Variants in PTPRD observed in about 807,000 individuals in gnomAD.
PTPRD encodes protein tyrosine phosphatase receptor type D.
A neutral mutation model predicts 214.5 loss-of-function variants in PTPRD; 34 were observed. The ratio of observed to expected loss-of-function variants is 0.16; its 90% CI spans 0.12 to 0.21. The LOEUF is 0.21. Among genes scored for constraint, PTPRD ranks in the 10% least tolerant of loss-of-function variants. PTPRD has a pLI of 1.00. For missense variants in PTPRD, 2,545 were observed against 2,398.7 expected, an observed-to-expected ratio of 1.06 and a Z score of -1.27; for synonymous variants, 1,128 against 845.7, an observed-to-expected ratio of 1.33 and a Z score of -5.79.
At chr9:9,659,298 G>A (rs1160018547) in intron 7 of PTPRD, among the ~76,000 whole-genome samples, 2 of 152,052 alleles carry the variant, frequency 1.3e-5, no homozygotes, top group Non-Finnish European at 2.9e-5. Flanking sequence ...ACAGGCAGTT[G>A]TTTTATATGG....
At chr9:9,363,805 T>A (rs564712300) in intron 9 of PTPRD, among the ~76,000 whole-genome samples, 1 of 151,400 alleles carries the variant, frequency 6.6e-6, no homozygotes. Flanking sequence ...ATCAAATACA[T>A]TTGACAACTG....
At chr9:10,266,417 G>A (rs1364675091) in intron 3 of PTPRD, among the ~76,000 whole-genome samples, 1 of 152,160 alleles carries the variant, frequency 6.6e-6, no homozygotes, top group Non-Finnish European at 1.5e-5. Context: ...ATAAGAGAAT[G>A]GATGAGGCTA....
intron 11 of PTPRD, among the ~76,000 whole-genome samples, chr9:8,999,523 A>G (rs2099409646): frequency 6.6e-6 from 1 of 152,112 alleles, no homozygotes; most frequent in South Asian, 2.1e-4. Context: ...TAGACTGTGA[A>G]CAGAACTTTT....
chr9:9,358,187 C>T (rs984506868), intron 9 of PTPRD, among the ~76,000 whole-genome samples: 4 of 151,216 alleles, frequency 2.6e-5, no homozygotes, highest in Admixed American at 6.6e-5. Flanking sequence ...GTACTTGTAA[C>T]ATTTGGAAAA....
Position 9,661,116 on chromosome 9 carries a change from G to C in PTPRD, c.-287+73417C>G, listed in dbSNP as rs139051461. 4.1e-3 allele frequency among the ~76,000 whole-genome samples: 619 copies of C among 151,754 alleles called. 6 individuals are homozygous for C. Among genetic ancestry groups the C allele is most frequent in the African/African-American group, 0.014 (564 of 41,442 alleles). On this transcript the variant is annotated intron_variant, in intron 7 of 45. Coordinates refer to ENST00000381196, the MANE Select transcript of PTPRD (RefSeq NM_002839.4). ...TTCTATTAATTTTTCTCTATGTGGGGGTCTAAATTAAATATGAAACCTGTG... is the reference window on the plus strand; with the variant it reads ...TTCTATTAATTTTTCTCTATGTGGGCGTCTAAATTAAATATGAAACCTGTG...
chr9:9,598,783 A>G (rs1415234903), intron 7 of PTPRD, among the ~76,000 whole-genome samples: 1 of 151,966 alleles, frequency 6.6e-6, no homozygotes, highest in Non-Finnish European at 1.5e-5. Flanking sequence ...TCTCTATCAC[A>G]GTGGCTTATA....
At chr9:9,468,118 G>A (rs2094342967) in intron 8 of PTPRD, among the ~76,000 whole-genome samples, 1 of 152,138 alleles carries the variant, frequency 6.6e-6, no homozygotes, top group South Asian at 2.1e-4. Flanking sequence ...CCTACTGTTA[G>A]TTTCCTCTTT....
Position 8,331,366 on chromosome 9 carries a change from GGGGGATAAACATTTTTTT to G in PTPRD, c.5534+198_5534+215del, listed in dbSNP as rs548595694. 1.9e-3 allele frequency among the ~76,000 whole-genome samples: 291 copies of G among 151,834 alleles called. 2 individuals are homozygous for G. Among genetic ancestry groups the G allele is most frequent in the Non-Finnish European group, 3.0e-3 (204 of 67,814 alleles). ...TTGTCTAATAGGAAGCAAATTTTTT[GGGGGATAAACATTTTTTT>G]GGGGCTAAACATTTTCCTCTGATTA... On this transcript the variant is annotated intron_variant, in intron 44 of 45. Transcript: ENST00000381196.
chr9:9,050,713 G>C (rs2099683407), intron 10 of PTPRD, among the ~76,000 whole-genome samples: 1 of 151,566 alleles, frequency 6.6e-6, no homozygotes, highest in African/African-American at 2.4e-5. Flanking sequence ...TAGCTGTCTA[G>C]GTTATTACGT....
chr9:9,291,825 TATCTC>T (rs1184884962), intron 9 of PTPRD, among the ~76,000 whole-genome samples: 1 of 150,700 alleles, frequency 6.6e-6, no homozygotes, highest in African/African-American at 2.4e-5. Flanking sequence ...GGAAAAATCT[TATCTC>T]AGAGGATATA....
intron 3 of PTPRD, among the ~76,000 whole-genome samples, chr9:10,326,370 T>C (rs2096643623): frequency 6.6e-6 from 1 of 151,760 alleles, no homozygotes; most frequent in South Asian, 2.1e-4. Flanking sequence ...ATTCTTTGTG[T>C]GAATACATTG....
chr9:8,365,042 G>C (rs932262732), intron 39 of PTPRD, among the ~76,000 whole-genome samples: 1 of 152,010 alleles, frequency 6.6e-6, no homozygotes, highest in Non-Finnish European at 1.5e-5. Flanking sequence ...AAACATACTA[G>C]ACCCGCAGTC....
At chr9:10,031,445 G>C (rs115532088) in intron 4 of PTPRD, among the ~76,000 whole-genome samples, 3,069 of 151,108 alleles carry the variant, frequency 0.02, 105 homozygotes, top group African/African-American at 0.068. Flanking sequence ...GTGAAAAGGC[G>C]AGACTGTCCC....
chr9:9,530,470 A>C (rs986180880), intron 8 of PTPRD, among the ~76,000 whole-genome samples: 40 of 152,108 alleles, frequency 2.6e-4, no homozygotes, highest in African/African-American at 9.4e-4. Flanking sequence ...GACCAATAAC[A>C]AGTAATGACA....
chr9:8,344,158 T>A (rs189240836), intron 39 of PTPRD, among the ~76,000 whole-genome samples: 1 of 152,210 alleles, frequency 6.6e-6, no homozygotes, highest in African/African-American at 2.4e-5. Context: ...CTTTCGTTCT[T>A]TCTGTGTTGT....
intron 7 of PTPRD, among the ~76,000 whole-genome samples, chr9:9,691,581 G>C (rs149082316): frequency 6.6e-6 from 1 of 152,008 alleles, no homozygotes; most frequent in Admixed American, 6.6e-5. Context: ...GAACAGTGCT[G>C]CAACAAACAT....
intron 5 of PTPRD, among the ~76,000 whole-genome samples, chr9:9,915,281 C>T (rs1012667858): frequency 6.6e-6 from 1 of 151,916 alleles, no homozygotes; most frequent in Non-Finnish European, 1.5e-5. Flanking sequence ...GATTACTTTT[C>T]TACCAAATGC....
At chr9:9,607,641 G>C (rs1454012920) in intron 7 of PTPRD, among the ~76,000 whole-genome samples, 1 of 151,828 alleles carries the variant, frequency 6.6e-6, no homozygotes, top group Non-Finnish European at 1.5e-5. Flanking sequence ...TTTAACCTCA[G>C]AGCATCCTGC....
intron 12 of PTPRD, among the ~76,000 whole-genome samples, chr9:8,677,265 A>C (rs2097443835): frequency 6.6e-6 from 1 of 152,200 alleles, no homozygotes; most frequent in Non-Finnish European, 1.5e-5. Flanking sequence ...ACACGGAATC[A>C]ACCTAAATGT....
Sources: gnomAD v4.1 joint callset for allele counts (sites outside exome capture counted in the v4.1 genomes callset) on GRCh38, gnomAD v4.1.1 for gene constraint, MANE v1.5 for transcripts, NCBI Gene and HGNC (gene_info 2026-07-23, HGNC 2026-07-21) for gene names.